The following MPPED2 variants were observed in gnomAD, a reference collection of about 807,000 sequenced individuals.
The protein encoded by MPPED2 is metallophosphoesterase MPPED2.
Under a neutral mutation model 33.0 loss-of-function variants are expected in MPPED2, and 5 were observed. The ratio of observed to expected loss-of-function variants is 0.15; its 90% CI spans 0.08 to 0.32. The LOEUF (loss-of-function observed/expected upper bound fraction) is 0.32. Among genes scored for constraint, MPPED2 ranks in the 10% least tolerant of loss-of-function variants. The probability of loss-of-function intolerance (pLI) is 1.00; values close to 1 mark genes in which losing one functional copy is unlikely to be tolerated. For synonymous variants in MPPED2, 136 were observed against 141.9 expected (o/e 0.96, Z 0.29); for missense variants, 275 against 372.1 (o/e 0.74, Z 2.15).
intron 4 of MPPED2, among the ~76,000 whole-genome samples, chr11:30,437,203 G>A (rs1427050546): frequency 5.3e-5 from 8 of 152,144 alleles, no homozygotes. Flanking sequence ...TAAACACTAA[G>A]TTACCTACCC....
intron 4 of MPPED2, among the ~76,000 whole-genome samples, chr11:30,486,442 T>C (rs1040758538): frequency 4.6e-5 from 7 of 152,128 alleles, no homozygotes; most frequent in African/African-American, 1.7e-4. Flanking sequence ...TGACAATTGG[T>C]TTTAATGTCC....
intron 4 of MPPED2, among the ~76,000 whole-genome samples, chr11:30,438,160 T>C (rs564705442): frequency 2.1e-4 from 32 of 152,302 alleles, no homozygotes; most frequent in Middle Eastern, 3.4e-3. Flanking sequence ...CTACTATGTG[T>C]CAGAGATGAC....
At chr11:30,393,588 G>T (rs907084683) in intron 6 of MPPED2, among the ~76,000 whole-genome samples, 2 of 149,940 alleles carry the variant, frequency 1.3e-5, no homozygotes, top group African/African-American at 4.9e-5. Context: ...TAACCTCCCA[G>T]GAGTTTTTGT....
chr11:30,397,532 T>C (rs568377793), intron 6 of MPPED2, among the ~76,000 whole-genome samples: 1 of 152,272 alleles, frequency 6.6e-6, no homozygotes, highest in South Asian at 2.1e-4. Flanking sequence ...ATCGGATTGT[T>C]CTGAGATTCA....
At chr11:30,417,751 G>A (rs1948438804) in intron 4 of MPPED2, 118 bp from the exon 5 acceptor site, 1 of 645,754 alleles carries the variant, frequency 1.5e-6, no homozygotes, top group East Asian at 2.8e-5. Flanking sequence ...CTTTTTGATG[G>A]TTGGCCCTGG....
chr11:30,415,594 A>G (rs1948313466), intron 5 of MPPED2, among the ~76,000 whole-genome samples: 1 of 152,176 alleles, frequency 6.6e-6, no homozygotes, highest in South Asian at 2.1e-4. Context: ...CTAAGGTTTA[A>G]CAATACCTTA....
chr11:30,416,384 G>A (rs951895501), intron 5 of MPPED2, among the ~76,000 whole-genome samples: 1 of 152,230 alleles, frequency 6.6e-6, no homozygotes, highest in Non-Finnish European at 1.5e-5. Context: ...GCAGCACCAA[G>A]TGCCTTGGAG....
intron 4 of MPPED2, among the ~76,000 whole-genome samples, chr11:30,453,029 A>C (rs1950128811): frequency 6.6e-6 from 1 of 152,208 alleles, no homozygotes; most frequent in Non-Finnish European, 1.5e-5. Flanking sequence ...GCAAGGATGC[A>C]AAATGAGTTA....
Position 30,410,993 on chromosome 11 carries a change from GGACC to G in MPPED2, c.*471_*474del. 3.0e-6 allele frequency: 3 copies of G among 985,402 alleles called. No individual in the cohort carries two copies. The highest frequency in any genetic ancestry group is 3.6e-6 in the Non-Finnish European group (3 of 829,882). 61.0% of individuals were successfully genotyped at this position (985,402 alleles called of 1,614,324 possible). A position where few individuals can be genotyped will look rare whatever the true frequency, so the allele number is the denominator to read the frequency against. On this transcript the variant is annotated 3_prime_UTR_variant, in exon 7 of 7. Coordinates refer to ENST00000358117, the MANE Select transcript of MPPED2 (RefSeq NM_001584.3). ...CTGTTGAGAAGATTGCTATAAATTG[GGACC>G]ACATCTGCAAAAAAGAAGCATTACC...
At chr11:30,543,155 A>G (rs1272603347) in intron 2 of MPPED2, among the ~76,000 whole-genome samples, 2 of 152,216 alleles carry the variant, frequency 1.3e-5, no homozygotes, top group Non-Finnish European at 2.9e-5. Context: ...AGTGAACAAT[A>G]CAGAAGTTTG....
In MPPED2 at chr11:30,437,791, C is replaced by T. The variant is rs541398889; in HGVS notation, c.537-20158G>A. On this transcript the variant is annotated intron_variant, in intron 4 of 6. Transcript: ENST00000358117. ...GAAATCTGACCTCACCAAAGAATCCCGACTTGTTAACAAAATGTGCCTCCA... is the reference window on the plus strand; with the variant it reads ...GAAATCTGACCTCACCAAAGAATCCTGACTTGTTAACAAAATGTGCCTCCA... Among the ~76,000 whole-genome samples the T allele has an allele frequency of 2.6e-5, 4 of 151,800 alleles. No individual in the cohort carries two copies. The South Asian group carries it at 8.3e-4, about 32-fold the overall frequency.
intron 4 of MPPED2, among the ~76,000 whole-genome samples, chr11:30,440,876 T>C (rs1949541861): frequency 6.6e-6 from 1 of 152,204 alleles, no homozygotes; most frequent in Non-Finnish European, 1.5e-5. Flanking sequence ...CTACCATGTT[T>C]CCCAAAGTGT....
intron 3 of MPPED2, among the ~76,000 whole-genome samples, chr11:30,502,128 C>T (rs1332701952): frequency 6.6e-6 from 1 of 152,158 alleles, no homozygotes. Flanking sequence ...GATGAAGAAA[C>T]TGAGTGCCAG....
intron 1 of MPPED2, among the ~76,000 whole-genome samples, chr11:30,585,790 A>G (rs1441401214): frequency 6.6e-6 from 1 of 152,108 alleles, no homozygotes; most frequent in Non-Finnish European, 1.5e-5. Flanking sequence ...GCTTTCGCTC[A>G]GGGGTTGAAA....
At chr11:30,548,940 T>C (rs16920915) in intron 2 of MPPED2, among the ~76,000 whole-genome samples, 4,259 of 152,286 alleles carry the variant, frequency 0.028, 91 homozygotes, top group Admixed American at 0.055. Flanking sequence ...ATTATCCAGG[T>C]ACCAATTTAC....
intron 3 of MPPED2, among the ~76,000 whole-genome samples, chr11:30,526,131 T>C (rs567987316): frequency 6.6e-6 from 1 of 152,306 alleles, no homozygotes; most frequent in Admixed American, 6.5e-5. Flanking sequence ...AAAAAATTAT[T>C]CAATGTAAAG....
chr11:30,573,779 G>C (rs1956805627), intron 2 of MPPED2, among the ~76,000 whole-genome samples: 1 of 152,088 alleles, frequency 6.6e-6, no homozygotes, highest in Non-Finnish European at 1.5e-5. Flanking sequence ...CCTGAGTAGT[G>C]TACAATGTAT....
chr11:30,442,253 G>A (rs1008472220), intron 4 of MPPED2, among the ~76,000 whole-genome samples: 4 of 152,204 alleles, frequency 2.6e-5, no homozygotes, highest in African/African-American at 9.6e-5. Context: ...GAGTCTTTTA[G>A]AGAACAGAGA....
chr11:30,564,678 C>A (rs1347880866), intron 2 of MPPED2, among the ~76,000 whole-genome samples: 4 of 152,134 alleles, frequency 2.6e-5, no homozygotes, highest in Non-Finnish European at 5.9e-5. Context: ...ATTTTCAGAC[C>A]CTTAGGCATT....
Sources: allele counts gnomAD v4.1 joint callset (sites outside exome capture counted in the v4.1 genomes callset), GRCh38; gene constraint gnomAD v4.1.1; transcripts MANE v1.5; gene names NCBI Gene and HGNC (gene_info 2026-07-23, HGNC 2026-07-21).